Variants in TUSC3 observed in about 807,000 individuals in gnomAD.
The protein encoded by TUSC3 is tumor suppressor candidate 3.
In TUSC3, 45 loss-of-function variants were observed where a neutral mutation model predicts 44.8. The observed-to-expected ratio is 1.00, with a 90% CI of 0.79 to 1.29. The LOEUF (loss-of-function observed/expected upper bound fraction) is 1.29, where lower values mean the gene tolerates loss of function less well. Among genes scored for constraint, TUSC3 ranks in the 50% most tolerant of loss-of-function variants. The pLI is 0.00. For missense variants in TUSC3, 519 were observed against 437.9 expected (o/e 1.19, Z -1.65); for synonymous variants, 212 against 152.9 (o/e 1.39, Z -2.85).
intron 1 of TUSC3, among the ~76,000 whole-genome samples, chr8:15,602,192 C>G (rs111259005): frequency 9.2e-5 from 14 of 151,578 alleles, no homozygotes; most frequent in African/African-American, 3.4e-4. Context: ...AAATGCTTCT[C>G]TTCCCGAGCA....
intron 1 of TUSC3, among the ~76,000 whole-genome samples, chr8:15,423,152 A>G (rs572122343): frequency 3.3e-5 from 5 of 152,246 alleles, no homozygotes; most frequent in South Asian, 2.1e-4. Flanking sequence ...CATTTTCACT[A>G]CATTTTAGAA....
intron 1 of TUSC3, among the ~76,000 whole-genome samples, chr8:15,461,594 G>A (rs1042134753): frequency 2.6e-5 from 4 of 151,854 alleles, no homozygotes; most frequent in Admixed American, 6.6e-5. Context: ...GTGAGAGTGG[G>A]CATCCTTGTC....
chr8:15,770,538 A>C (rs560134756), downstream of TUSC3, among the ~76,000 whole-genome samples: 4 of 152,340 alleles, frequency 2.6e-5, no homozygotes, highest in South Asian at 8.3e-4. Flanking sequence ...TGTATCCCAG[A>C]ACTTAAAGTA....
At chr8:15,838,632 G>C in the TUSC3 span, among the ~76,000 whole-genome samples, 18,204 of 152,056 alleles carry the variant, frequency 0.12, 1,151 homozygotes, top group East Asian at 0.25. Context: ...CCCATTTCTT[G>C]TTTTTGTCAG....
chr8:15,631,914 G>A (rs1585173462), intron 2 of TUSC3, among the ~76,000 whole-genome samples: 1 of 152,088 alleles, frequency 6.6e-6, no homozygotes, highest in East Asian at 1.9e-4. Flanking sequence ...TCAGCGTGTT[G>A]GCCAGGCTGG....
intron 7 of TUSC3, among the ~76,000 whole-genome samples, chr8:15,739,175 G>C (rs1462580027): frequency 1.3e-5 from 2 of 151,888 alleles, no homozygotes; most frequent in Admixed American, 6.6e-5. Context: ...ATTTTATATG[G>C]CTAGTTAACC....
At position 15,730,717 on chromosome 8, in the gene TUSC3, A is replaced by G; in HGVS notation, c.850A>G (p.Ile284Val). The change falls in exon 7 of 11, where the codon ATT (isoleucine) becomes GTT (valine). Residue 284 changes from isoleucine to valine, a missense_variant. Ile to Val is a conservative substitution (Grantham distance 29). Transcript: ENST00000503731. ...TCAGTTTGTGGCAGAATCACACATTATTCTGGTACTGAGTATCCTTTTAAG... is the reference window on the plus strand; with the variant it reads ...TCAGTTTGTGGCAGAATCACACATTGTTCTGGTACTGAGTATCCTTTTAAG... The part of the protein sequence containing the change: ...QAQFVAESHI[I>V]LVLNAAITMG... 1.2e-6 allele frequency: 2 copies of G among 1,613,208 alleles called. No homozygotes were observed. Among genetic ancestry groups the G allele is most frequent in the Non-Finnish European group, 8.5e-7 (1 of 1,179,420 alleles).
the TUSC3 span, among the ~76,000 whole-genome samples, chr8:15,790,983 G>A: frequency 6.6e-6 from 1 of 152,024 alleles, no homozygotes; most frequent in Admixed American, 6.6e-5. Context: ...TTCAAAAATG[G>A]CACTTACACT....
chr8:15,738,961 C>T (rs1423870174), intron 7 of TUSC3, among the ~76,000 whole-genome samples: 2 of 150,910 alleles, frequency 1.3e-5, no homozygotes, highest in African/African-American at 4.9e-5. Context: ...GCCTCCTGAG[C>T]AGCTGGCACC....
intron 2 of TUSC3, among the ~76,000 whole-genome samples, chr8:15,485,193 C>G (rs1800717850): frequency 6.6e-6 from 1 of 152,150 alleles, no homozygotes; most frequent in African/African-American, 2.4e-5. Flanking sequence ...TATAAGGACA[C>G]CCTCACCAAG....
chr8:15,792,577 T>G, the TUSC3 span, among the ~76,000 whole-genome samples: 1 of 152,078 alleles, frequency 6.6e-6, no homozygotes, highest in Non-Finnish European at 1.5e-5. Flanking sequence ...ATTTTTCTAG[T>G]CCCTTGTATA....
intron 1 of TUSC3, among the ~76,000 whole-genome samples, chr8:15,461,183 G>A (rs1420345434): frequency 3.3e-5 from 5 of 152,018 alleles, no homozygotes; most frequent in Non-Finnish European, 7.4e-5. Context: ...TTCCCTTTGT[G>A]TTGTCTGTGA....
chr8:15,468,153 T>C (rs1199166969), intron 1 of TUSC3, among the ~76,000 whole-genome samples: 2 of 152,208 alleles, frequency 1.3e-5, no homozygotes, highest in African/African-American at 2.4e-5. Flanking sequence ...GAGTATCATA[T>C]AATTATCATC....
intron 2 of TUSC3, among the ~76,000 whole-genome samples, chr8:15,642,852 T>A (rs1008641227): frequency 6.6e-6 from 1 of 152,256 alleles, no homozygotes. Flanking sequence ...GGCCTGTATG[T>A]CTTACCTCTT....
chr8:15,836,616 A>T, the TUSC3 span, among the ~76,000 whole-genome samples: 59 of 152,198 alleles, frequency 3.9e-4, no homozygotes, highest in African/African-American at 1.4e-3. Context: ...ACTTCTTAGG[A>T]CTGTAAACCT....
At chr8:15,725,404 A>G (rs1243822966) in intron 6 of TUSC3, among the ~76,000 whole-genome samples, 2 of 152,172 alleles carry the variant, frequency 1.3e-5, no homozygotes, top group African/African-American at 4.8e-5. Context: ...CTCAAGGCTG[A>G]TAATATCAGG....
At chr8:15,666,423 G>C (rs943077619) in intron 5 of TUSC3, among the ~76,000 whole-genome samples, 4 of 151,136 alleles carry the variant, frequency 2.6e-5, no homozygotes, top group Non-Finnish European at 5.9e-5. Flanking sequence ...TGTTTCTTTT[G>C]CCCCAAATAA....
chr8:15,806,547 A>G, the TUSC3 span: 162 of 1,431,940 alleles, frequency 1.1e-4, no homozygotes, highest in Non-Finnish European at 1.5e-4. Flanking sequence ...ACAAAATCAC[A>G]GAGCTCTTCA....
chr8:15,798,649 T>TGTGG, the TUSC3 span, among the ~76,000 whole-genome samples: 466 of 147,250 alleles, frequency 3.2e-3, 2 homozygotes, highest in African/African-American at 0.012. Context: ...CCTGGGTGTG[T>TGTGG]GGGGGGGGTC....
Sources: allele counts gnomAD v4.1 joint callset (sites outside exome capture counted in the v4.1 genomes callset), GRCh38; gene constraint gnomAD v4.1.1; transcripts MANE v1.5; gene names NCBI Gene and HGNC (gene_info 2026-07-23, HGNC 2026-07-21).